The following LRP2 variants were observed in gnomAD, a reference collection of about 807,000 sequenced individuals.
LRP2 encodes the protein low-density lipoprotein receptor-related protein 2.
Under a neutral mutation model 531.0 loss-of-function variants are expected in LRP2, and 172 were observed. That is an observed-to-expected ratio of 0.32 (90% CI 0.29 to 0.37). The LOEUF is 0.37. Among genes scored for constraint, LRP2 ranks in the 10% least tolerant of loss-of-function variants. LRP2 has a pLI of 1.00. For missense variants in LRP2, 5,167 were observed against 5,868.3 expected, an observed-to-expected ratio of 0.88 and a Z score of 3.90; for synonymous variants, 1,992 against 2,027.6, an observed-to-expected ratio of 0.98 and a Z score of 0.47.
intron 8 of LRP2, 135 bp downstream of exon 8, chr2:169,290,710 T>C: frequency 1.1e-6 from 1 of 920,202 alleles, no homozygotes; most frequent in South Asian, 1.5e-5. Context: ...ATAAGACACG[T>C]TTCTCAGTTT....
At position 169,246,805 on chromosome 2, in the gene LRP2, G is replaced by A. The variant is rs1690023320; in HGVS notation, c.3090C>T (p.Ser1030=). The stretch of plus-strand genomic sequence containing the variant: ...CACATCTGCCATTTTTACAGGGGAA[G>A]GAAAATAAGCCACACTGCTCTGTGG... ...EPPTEQCGLF[S]FPCKNGRCVP... The change falls in exon 21 of 79, where the codon TCC becomes TCT. Residue 1030 remains serine, a synonymous_variant. Coordinates refer to ENST00000649046, the MANE Select transcript of LRP2 (RefSeq NM_004525.3). The A allele has an allele frequency of 6.2e-7, 1 of 1,614,148 alleles. No individual in the cohort carries two copies. The highest frequency in any genetic ancestry group is 1.1e-5 in the South Asian group (1 of 91,072).
At chr2:169,279,160 G>A (rs749384437) in intron 12 of LRP2, among the ~76,000 whole-genome samples, 1 of 152,046 alleles carries the variant, frequency 6.6e-6, no homozygotes, top group African/African-American at 2.4e-5. Flanking sequence ...ACCACTAGGT[G>A]TGTTTGGGTA....
chr2:169,304,027 C>T (rs904272680), intron 4 of LRP2, among the ~76,000 whole-genome samples: 2 of 152,128 alleles, frequency 1.3e-5, no homozygotes, highest in Non-Finnish European at 2.9e-5. Context: ...CGTATCCTGC[C>T]AGGTTTTTGC....
At chr2:169,248,772 G>T (rs1311650598) in intron 19 of LRP2, among the ~76,000 whole-genome samples, 3 of 131,838 alleles carry the variant, frequency 2.3e-5, no homozygotes, top group Non-Finnish European at 4.9e-5. Context: ...AGGCCAGTGT[G>T]TGTGCGCACC....
chr2:169,314,005 T>C (rs1026209424), intron 3 of LRP2, among the ~76,000 whole-genome samples: 4 of 152,228 alleles, frequency 2.6e-5, no homozygotes, highest in Admixed American at 2.0e-4. Flanking sequence ...CTTTTACTTA[T>C]ATGTAGTATA....
At chr2:169,150,212 G>C (rs572369537) in intron 68 of LRP2, among the ~76,000 whole-genome samples, 2 of 152,280 alleles carry the variant, frequency 1.3e-5, no homozygotes, top group East Asian at 3.9e-4. Context: ...ATCTACAGAG[G>C]GCTAGACTGG....
chr2:169,307,874 T>C (rs1684468463), intron 3 of LRP2, among the ~76,000 whole-genome samples: 1 of 152,202 alleles, frequency 6.6e-6, no homozygotes, highest in South Asian at 2.1e-4. Context: ...ACATTGACCA[T>C]GTATCAATTT....
intron 6 of LRP2, among the ~76,000 whole-genome samples, chr2:169,292,679 A>G (rs1222451069): frequency 3.3e-5 from 5 of 151,748 alleles, no homozygotes; most frequent in African/African-American, 1.2e-4. Context: ...ATAAAAATAA[A>G]TAGCCAAGCA....
At chr2:169,311,291 T>C (rs1194776548) in intron 3 of LRP2, among the ~76,000 whole-genome samples, 4 of 152,216 alleles carry the variant, frequency 2.6e-5, no homozygotes, top group Non-Finnish European at 5.9e-5. Context: ...AATTGTGATG[T>C]TAGGGTGTCA....
chr2:169,208,790 C>T (rs989791259), intron 38 of LRP2, among the ~76,000 whole-genome samples: 2 of 152,096 alleles, frequency 1.3e-5, no homozygotes, highest in Non-Finnish European at 2.9e-5. Context: ...TGCCTACTCA[C>T]CAAGCTTGAT....
intron 62 of LRP2, among the ~76,000 whole-genome samples, chr2:169,164,375 G>A (rs1156515894): frequency 1.3e-5 from 2 of 152,232 alleles, no homozygotes; most frequent in Non-Finnish European, 2.9e-5. Context: ...TGTCCCTTGG[G>A]AAGGGGTTAA....
chr2:169,264,708 C>A (rs181732228), intron 16 of LRP2, among the ~76,000 whole-genome samples: 2 of 152,084 alleles, frequency 1.3e-5, no homozygotes, highest in Non-Finnish European at 2.9e-5. Context: ...TATGCAGAAG[C>A]CTCAGTGCAC....
chr2:169,349,406 G>A (rs972913275), intron 1 of LRP2, among the ~76,000 whole-genome samples: 2 of 152,188 alleles, frequency 1.3e-5, no homozygotes, highest in Non-Finnish European at 2.9e-5. Context: ...GGATATCACT[G>A]TGCCTGGTGC....
intron 41 of LRP2, 73 bp downstream of exon 41, chr2:169,205,406 G>A: frequency 3.3e-6 from 5 of 1,516,040 alleles, no homozygotes; most frequent in South Asian, 1.1e-5. Flanking sequence ...ATCACATGAT[G>A]CAAATCCCTC....
rs189542563 is a variant in LRP2, at chr2:169,337,110, G to C, written c.80-16226C>G. On this transcript the variant is annotated intron_variant, in intron 1 of 78. Transcript: ENST00000649046. The stretch of plus-strand genomic sequence containing the variant: ...CCCTCAGATCCCCATGACATGGCCA[G>C]AGTTTCCATGGCTCACGACCCTGAC... 1.0e-3 allele frequency among the ~76,000 whole-genome samples: 159 copies of C among 152,270 alleles called. 1 individual carries two copies. The South Asian group carries it at 0.011, about 11-fold the overall frequency.
intron 1 of LRP2, among the ~76,000 whole-genome samples, chr2:169,331,081 C>G (rs1685252068): frequency 6.6e-6 from 1 of 152,130 alleles, no homozygotes; most frequent in African/African-American, 2.4e-5. Context: ...CACACGTCCA[C>G]AGGTCTACCC....
At chr2:169,327,620 C>A (rs1685123667) in intron 1 of LRP2, among the ~76,000 whole-genome samples, 1 of 113,224 alleles carries the variant, frequency 8.8e-6, no homozygotes. Context: ...AAGTGAGGAG[C>A]CCCTCTGCCG....
At chr2:169,192,566 A>T (rs948668510) in intron 47 of LRP2, among the ~76,000 whole-genome samples, 1 of 152,152 alleles carries the variant, frequency 6.6e-6, no homozygotes, top group African/African-American at 2.4e-5. Flanking sequence ...TTCCAACTAC[A>T]TTATAGCTAC....
chr2:169,321,613 A>G, intron 1 of LRP2, among the ~76,000 whole-genome samples: 1 of 152,196 alleles, frequency 6.6e-6, no homozygotes. Flanking sequence ...AATCATATAT[A>G]GCAAGTTATG....
Sources: allele counts gnomAD v4.1 joint callset (sites outside exome capture counted in the v4.1 genomes callset), GRCh38; gene constraint gnomAD v4.1.1; transcripts MANE v1.5; gene names NCBI Gene and HGNC (gene_info 2026-07-23, HGNC 2026-07-21).